Variants in WDR12 observed in about 807,000 individuals in gnomAD.
WDR12 encodes WD repeat domain 12.
WDR12 carries 42 observed loss-of-function variants against 64.3 expected under a neutral mutation model. That is an observed-to-expected ratio of 0.65 (90% CI 0.51 to 0.84). The LOEUF (loss-of-function observed/expected upper bound fraction) is 0.84, where lower values mean the gene tolerates loss of function less well. Ranked by LOEUF, WDR12 falls within the 40% of genes least tolerant of loss-of-function variation. The pLI is 0.00. For missense variants in WDR12, 469 were observed against 494.6 expected (o/e 0.95, Z 0.49); for synonymous variants, 158 against 173.3 (o/e 0.91, Z 0.70).
At chr2:202,885,700 A>G (rs997538686) in intron 8 of WDR12, among the ~76,000 whole-genome samples, 2 of 152,152 alleles carry the variant, frequency 1.3e-5, no homozygotes, top group Non-Finnish European at 2.9e-5. Context: ...ATGTCTTTCT[A>G]AACTAAAAGC....
At chr2:202,889,373 C>CA (rs1175399872) in intron 8 of WDR12, among the ~76,000 whole-genome samples, 3 of 151,836 alleles carry the variant, frequency 2.0e-5, no homozygotes, top group Non-Finnish European at 2.9e-5. Flanking sequence ...ACAACAACAA[C>CA]AAAAAAATCA....
intron 10 of WDR12, 73 bp downstream of exon 10, chr2:202,884,125 T>C: frequency 6.7e-7 from 1 of 1,498,492 alleles, no homozygotes; most frequent in Non-Finnish European, 9.1e-7. Context: ...ATTCCTTTTT[T>C]TGTACATCTC....
At chr2:202,897,888 C>CCAAAAAA (rs1688276582) in intron 4 of WDR12, among the ~76,000 whole-genome samples, 2 of 74,206 alleles carry the variant, frequency 2.7e-5, no homozygotes, top group Non-Finnish European at 5.0e-5. Flanking sequence ...GACTCCGTTT[C>CCAAAAAA]AAAAAAAAAA....
In WDR12 at chr2:202,898,658, GCTC is replaced by G. The variant is rs1688295128; in HGVS notation, c.338+870_338+872del. ...GTACCTTCTTTGCTGAGTCCAGTCTGCTCCTTCTAGCCCTAAAATAGTATGCTA... is the reference window on the plus strand; with the variant it reads ...GTACCTTCTTTGCTGAGTCCAGTCTGCTTCTAGCCCTAAAATAGTATGCTA... On this transcript the variant is annotated intron_variant, in intron 4 of 12. Transcript: ENST00000261015. 3.3e-5 allele frequency among the ~76,000 whole-genome samples: 5 copies of G among 152,312 alleles called. No individual in the cohort carries two copies. In the South Asian group the frequency reaches 1.0e-3, roughly 32 times the overall value.
chr2:202,881,006 C>T, intron 12 of WDR12, 69 bp from the exon 13 acceptor site: 1 of 1,306,018 alleles, frequency 7.7e-7, no homozygotes, highest in Non-Finnish European at 1.0e-6. Flanking sequence ...ATAGCTAAAC[C>T]TAATTAAATA....
chr2:202,901,977 A>G (rs2105910617), intron 2 of WDR12, among the ~76,000 whole-genome samples: 1 of 152,214 alleles, frequency 6.6e-6, no homozygotes, highest in East Asian at 1.9e-4. Context: ...TAGGGCTTGG[A>G]TTATATCAGT....
At chr2:202,909,249 C>T (rs1198828700) in intron 1 of WDR12, among the ~76,000 whole-genome samples, 1 of 152,160 alleles carries the variant, frequency 6.6e-6, no homozygotes, top group Non-Finnish European at 1.5e-5. Flanking sequence ...GTTCACATAA[C>T]AACTATTCAT....
At chr2:202,906,673 C>T (rs756732148) in intron 2 of WDR12, among the ~76,000 whole-genome samples, 1 of 152,034 alleles carries the variant, frequency 6.6e-6, no homozygotes, top group Non-Finnish European at 1.5e-5. Context: ...AGACCAGCCT[C>T]GCCAAATGGT....
chr2:202,881,392 A>G (rs186432442), intron 12 of WDR12, among the ~76,000 whole-genome samples: 1 of 152,354 alleles, frequency 6.6e-6, no homozygotes, highest in East Asian at 1.9e-4. Flanking sequence ...AACACATTTT[A>G]TAATGCAGAC....
At chr2:202,895,915 A>G in intron 6 of WDR12, 150 bp downstream of exon 6, 1 of 791,850 alleles carries the variant, frequency 1.3e-6, no homozygotes. Context: ...CTCCTATTGT[A>G]TGAGTATTTA....
intron 6 of WDR12, 192 bp downstream of exon 6, chr2:202,895,872 TA>T: frequency 1.7e-6 from 1 of 598,848 alleles, no homozygotes; most frequent in Non-Finnish European, 2.7e-6. Context: ...TATAAGGTTC[TA>T]AACCAGGGAT....
At chr2:202,898,956 A>AC (rs1688299313) in intron 4 of WDR12, among the ~76,000 whole-genome samples, 2 of 151,298 alleles carry the variant, frequency 1.3e-5, no homozygotes, top group Non-Finnish European at 2.9e-5. Flanking sequence ...AAAAAAAAAA[A>AC]AAAAAGGCAA....
rs539620265 is a variant in WDR12, at chr2:202,899,688, T to C, written c.232-51A>G. 4.0e-6 allele frequency: 6 copies of C among 1,517,520 alleles called. No individual in the cohort carries two copies. In the South Asian group the frequency reaches 4.5e-5, roughly 11 times the overall value. 94.0% of individuals were successfully genotyped at this position (1,517,520 alleles called of 1,614,324 possible). A position where few individuals can be genotyped will look rare whatever the true frequency, so the allele number is the denominator to read the frequency against. On this transcript the variant is annotated intron_variant, in intron 3 of 12. Coordinates refer to ENST00000261015, the MANE Select transcript of WDR12 (RefSeq NM_018256.4). ...AGTCAGGTGGTCTAGTTTTAAAATA[T>C]TACATTATGAAGATAACCCCCAATT...
chr2:202,897,421 A>AG lies in WDR12; in HGVS notation c.339-7dup, dbSNP rs762126223. ...CATAAGAACCAGTCAAGATCCTATG[A>AG]GAAAAAAAAATCTTATGAAACACAA... On this transcript the variant is annotated splice_polypyrimidine_tract_variant and splice_region_variant and intron_variant, in intron 4 of 12. Coordinates refer to ENST00000261015, the MANE Select transcript of WDR12 (RefSeq NM_018256.4). 4.7e-6 allele frequency: 7 copies of AG among 1,500,192 alleles called. No homozygotes were observed. The highest frequency in any genetic ancestry group is 2.4e-5 in the Admixed American group (1 of 41,802). The allele number at this position is 1,500,192 out of a possible 1,614,324, so 92.9% of individuals were successfully genotyped here.
chr2:202,886,801 C>A (rs1574403175), intron 8 of WDR12, among the ~76,000 whole-genome samples: 1 of 145,836 alleles, frequency 6.9e-6, no homozygotes, highest in African/African-American at 2.5e-5. Flanking sequence ...GAAAAGAATT[C>A]TGGAATAGGG....
At chr2:202,889,510 A>G (rs1159998012) in intron 8 of WDR12, among the ~76,000 whole-genome samples, 1 of 152,080 alleles carries the variant, frequency 6.6e-6, no homozygotes, top group Non-Finnish European at 1.5e-5. Flanking sequence ...ATGAATAACA[A>G]CAACTTAAAA....
chr2:202,896,063 A>G lies in WDR12; in HGVS notation c.609+2T>C. 2 of 1,609,378 alleles carry G rather than the reference A, an allele frequency of 1.2e-6. No individual in the cohort carries two copies. Among genetic ancestry groups the G allele is most frequent in the Non-Finnish European group, 1.7e-6 (2 of 1,178,848 alleles). On this transcript the variant is annotated splice_donor_variant, in intron 6 of 12. Coordinates refer to ENST00000261015, the MANE Select transcript of WDR12 (RefSeq NM_018256.4). LOFTEE classifies it high-confidence loss of function. ...AGTACTAATAATATTCTAGCTACTT[A>G]CTTTAGTTCCTGAGCCATCAACAGC...
intron 2 of WDR12, among the ~76,000 whole-genome samples, chr2:202,907,000 G>A (rs1040427007): frequency 4.0e-5 from 6 of 151,162 alleles, no homozygotes; most frequent in African/African-American, 9.7e-5. Context: ...CCAGGCTGGA[G>A]TGCAATGGTG....
In WDR12 at chr2:202,897,366, C is replaced by T. The variant is rs137884671; in HGVS notation, c.388G>A (p.Gly130Arg). Residue 130 changes from glycine to arginine, a missense_variant, in exon 5 of 13, where the codon GGA (glycine) becomes AGA (arginine). Gly to Arg is a moderately radical substitution (Grantham distance 125, BLOSUM62 -2). Coordinates refer to ENST00000261015, the MANE Select transcript of WDR12 (RefSeq NM_018256.4). ...DKTSRIWSLE[G>R]KSIMTIVGHT... ...CCCACAATTGTCATTATTGACTTTC[C>T]TTCCAAGGACCAGATCCGAGAAGTC... is the stretch of plus-strand genomic sequence containing the variant. 111 of 1,597,022 alleles carry T rather than the reference C, an allele frequency of 7.0e-5. No homozygotes were observed. Among genetic ancestry groups the T allele is most frequent in the Non-Finnish European group, 9.0e-5 (106 of 1,173,054 alleles).
Sources: allele counts gnomAD v4.1 joint callset (sites outside exome capture counted in the v4.1 genomes callset), GRCh38; gene constraint gnomAD v4.1.1; transcripts MANE v1.5; gene names NCBI Gene and HGNC (gene_info 2026-07-23, HGNC 2026-07-21).